Variants in TMCC1 observed in about 807,000 individuals in gnomAD.
TMCC1 encodes transmembrane and coiled-coil domains protein 1.
A neutral mutation model predicts 52.4 loss-of-function variants in TMCC1; 15 were observed. The observed-to-expected ratio is 0.29, with a 90% CI of 0.19 to 0.44. The LOEUF (loss-of-function observed/expected upper bound fraction) is 0.44, where lower values mean the gene tolerates loss of function less well. Among genes scored for constraint, TMCC1 ranks in the 20% least tolerant of loss-of-function variants. The probability of loss-of-function intolerance (pLI) is 1.00; values close to 1 mark genes in which losing one functional copy is unlikely to be tolerated. For synonymous variants in TMCC1, 279 were observed against 301.9 expected, an observed-to-expected ratio of 0.92 and a Z score of 0.79; for missense variants, 503 against 806.0, an observed-to-expected ratio of 0.62 and a Z score of 4.55.
intron 4 of TMCC1, among the ~76,000 whole-genome samples, chr3:129,686,155 C>G (rs998911487): frequency 2.6e-5 from 4 of 152,186 alleles, no homozygotes; most frequent in Admixed American, 1.3e-4. Flanking sequence ...TCACTCAATA[C>G]TTAAATTCTT....
intron 4 of TMCC1, among the ~76,000 whole-genome samples, chr3:129,785,655 T>C (rs924605168): frequency 2.0e-5 from 3 of 152,070 alleles, no homozygotes; most frequent in African/African-American, 7.2e-5. Context: ...ACCATGTAGA[T>C]CTATGATCTT....
chr3:129,786,548 T>C (rs1327809413), intron 4 of TMCC1, among the ~76,000 whole-genome samples: 1 of 152,174 alleles, frequency 6.6e-6, no homozygotes, highest in African/African-American at 2.4e-5. Context: ...TAAAATCCTA[T>C]TTCCTCTGTG....
At chr3:129,823,712 A>G (rs1262502544) in intron 4 of TMCC1, among the ~76,000 whole-genome samples, 1 of 152,220 alleles carries the variant, frequency 6.6e-6, no homozygotes, top group African/African-American at 2.4e-5. Flanking sequence ...CCCTCCGTCT[A>G]TCTATCTATG....
intron 2 of TMCC1, among the ~76,000 whole-genome samples, chr3:129,854,361 G>A (rs967591626): frequency 2.7e-5 from 4 of 149,176 alleles, no homozygotes; most frequent in African/African-American, 5.0e-5. Flanking sequence ...ACACTTCAGC[G>A]TGGGCAACAC....
chr3:129,833,496 G>A (rs1047710129), intron 2 of TMCC1, among the ~76,000 whole-genome samples: 7 of 152,126 alleles, frequency 4.6e-5, no homozygotes, highest in South Asian at 4.1e-4. Flanking sequence ...CTTGAGCCCC[G>A]GAGCTGGAGA....
rs535250030 is a variant in TMCC1 at position 129,755,452 on chromosome 3, G to T, written c.576+72351C>A. Among the ~76,000 whole-genome samples, 6 of 152,228 alleles carry T rather than the reference G, an allele frequency of 3.9e-5. No individual in the cohort carries two copies. In the South Asian group the frequency reaches 8.3e-4, roughly 21 times the overall value. On this transcript the variant is annotated intron_variant, in intron 4 of 6. Transcript: ENST00000393238. ...GGAGAAAGTGCTAAGAGAATGAAAAGATAAGCCATAAATATTTGTGTGGGA... is the reference window on the plus strand; with the variant it reads ...GGAGAAAGTGCTAAGAGAATGAAAATATAAGCCATAAATATTTGTGTGGGA...
chr3:129,761,296 C>G (rs1162797614), intron 4 of TMCC1, among the ~76,000 whole-genome samples: 1 of 148,786 alleles, frequency 6.7e-6, no homozygotes, highest in Non-Finnish European at 1.5e-5. Context: ...CCACTGCACT[C>G]CAGCCTGGGC....
chr3:129,886,922 G>A (rs1414865201), intron 1 of TMCC1, among the ~76,000 whole-genome samples: 1 of 152,048 alleles, frequency 6.6e-6, no homozygotes, highest in Non-Finnish European at 1.5e-5. Flanking sequence ...GGGAGACAGA[G>A]TGAGACTCCG....
At chr3:129,667,497 A>G (rs979546426) in intron 5 of TMCC1, among the ~76,000 whole-genome samples, 26 of 152,136 alleles carry the variant, frequency 1.7e-4, no homozygotes, top group African/African-American at 6.0e-4. Context: ...CTGAAATGGG[A>G]AAACAAAACA....
chr3:129,798,966 TTATTA>T (rs1194886769), intron 4 of TMCC1, among the ~76,000 whole-genome samples: 2 of 152,208 alleles, frequency 1.3e-5, no homozygotes, highest in East Asian at 1.9e-4. Flanking sequence ...ATAGCATATT[TTATTA>T]TATAAGAACA....
chr3:129,876,256 G>C (rs1338343539), intron 2 of TMCC1, among the ~76,000 whole-genome samples: 4 of 147,054 alleles, frequency 2.7e-5, no homozygotes, highest in Non-Finnish European at 3.0e-5. Flanking sequence ...GTAAGCACTA[G>C]TGATTTGAAC....
intron 4 of TMCC1, among the ~76,000 whole-genome samples, chr3:129,773,545 G>T (rs2054785022): frequency 6.6e-6 from 1 of 151,780 alleles, no homozygotes; most frequent in Admixed American, 6.6e-5. Context: ...AAGCAAAATG[G>T]AAAAAAAATC....
chr3:129,660,800 C>G (rs1344999773), intron 5 of TMCC1, among the ~76,000 whole-genome samples: 2 of 152,130 alleles, frequency 1.3e-5, no homozygotes, highest in Non-Finnish European at 2.9e-5. Flanking sequence ...CAGAGTCTCA[C>G]TATGTTGTCC....
At position 129,726,286 on chromosome 3, in the gene TMCC1, G is replaced by C. The variant is rs142977925; in HGVS notation, c.577-55022C>G. 1.0e-3 allele frequency among the ~76,000 whole-genome samples: 158 copies of C among 152,250 alleles called. 2 individuals carry two copies. The East Asian group carries it at 0.017, about 17-fold the overall frequency. On this transcript the variant is annotated intron_variant, in intron 4 of 6. Transcript: ENST00000393238. ...ACTATGTGCCAGGCACACTATATGGGACATTTAGGGATACAAAAATGAATA... is the reference window on the plus strand; with the variant it reads ...ACTATGTGCCAGGCACACTATATGGCACATTTAGGGATACAAAAATGAATA...
At chr3:129,813,985 A>ATT (rs58055079) in intron 4 of TMCC1, among the ~76,000 whole-genome samples, 2,014 of 145,890 alleles carry the variant, frequency 0.014, 26 homozygotes, top group South Asian at 0.039. Context: ...CTTTTTCCTT[A>ATT]TTTTTTTTTT....
chr3:129,797,454 C>T (rs1248924349), intron 4 of TMCC1, among the ~76,000 whole-genome samples: 1 of 151,958 alleles, frequency 6.6e-6, no homozygotes, highest in East Asian at 1.9e-4. Context: ...ATATATAAAA[C>T]GTTTAGGCTG....
rs184876840 is a variant in TMCC1, at chr3:129,768,937, A to G, written c.576+58866T>C. Among the ~76,000 whole-genome samples, 5 of 152,318 alleles carry G rather than the reference A, an allele frequency of 3.3e-5. No homozygotes were observed. The East Asian group carries it at 9.7e-4, about 29-fold the overall frequency. The stretch of plus-strand genomic sequence containing the variant: ...AGGCTCCTGATTTATCCCTGCACTC[A>G]CTGGAGATAGGCAGATAAATCAGCC... On this transcript the variant is annotated intron_variant, in intron 4 of 6. Coordinates refer to ENST00000393238, the MANE Select transcript of TMCC1 (RefSeq NM_001017395.5).
At chr3:129,784,800 C>T (rs1021428465) in intron 4 of TMCC1, among the ~76,000 whole-genome samples, 1 of 151,876 alleles carries the variant, frequency 6.6e-6, no homozygotes. Flanking sequence ...CCTATCTCTA[C>T]AGAAAATTTC....
chr3:129,674,786 A>T (rs1280132721), intron 4 of TMCC1, among the ~76,000 whole-genome samples: 1 of 152,234 alleles, frequency 6.6e-6, no homozygotes, highest in African/African-American at 2.4e-5. Flanking sequence ...TCCCTTTTTC[A>T]ACAGCCTTTG....
Sources: gnomAD v4.1 joint callset for allele counts (sites outside exome capture counted in the v4.1 genomes callset) on GRCh38, gnomAD v4.1.1 for gene constraint, MANE v1.5 for transcripts, NCBI Gene and HGNC (gene_info 2026-07-23, HGNC 2026-07-21) for gene names.